The following CD8B2 variants were observed in gnomAD, a reference collection of about 807,000 sequenced individuals.
CD8B2 encodes T-cell surface glycoprotein CD8 beta-2 chain.
Under a neutral mutation model 23.7 loss-of-function variants are expected in CD8B2, and 11 were observed. The observed-to-expected ratio is 0.46, with a 90% CI of 0.29 to 0.77. The LOEUF (loss-of-function observed/expected upper bound fraction) is 0.77, where lower values mean the gene tolerates loss of function less well. Among genes scored for constraint, CD8B2 ranks in the 30% least tolerant of loss-of-function variants. The probability of loss-of-function intolerance (pLI) is 0.09; values close to 1 mark genes in which losing one functional copy is unlikely to be tolerated. For synonymous variants in CD8B2, 90 were observed against 109.3 expected (o/e 0.82, Z 1.10); for missense variants, 197 against 270.5 (o/e 0.73, Z 1.91).
At chr2:106,542,968 G>T (rs1680200611) in intron 5 of CD8B2, 1 of 152,046 alleles carries the variant, frequency 6.6e-6, no homozygotes, top group Admixed American at 6.6e-5. Context: ...AAAGAGGAGC[G>T]CTCGGCCATG....
intron 5 of CD8B2, 44 bp downstream of exon 5, chr2:106,504,369 G>C (rs943504592): frequency 6.4e-7 from 1 of 1,554,292 alleles, no homozygotes; most frequent in East Asian, 2.4e-5. Context: ...CTCAGCCCCT[G>C]CTGCAGCTTG....
At chr2:106,500,544 A>ATAAATAAATAAATTAAT (rs1298623861) in intron 3 of CD8B2, among the ~76,000 whole-genome samples, 1 of 145,456 alleles carries the variant, frequency 6.9e-6, no homozygotes, top group African/African-American at 2.5e-5. Context: ...AAATAAATAA[A>ATAAATAAATAAATTAAT]TAAATAAATA....
At chr2:106,524,628 G>A (rs4595968) in intron 5 of CD8B2, among the ~76,000 whole-genome samples, 149,459 of 152,300 alleles carry the variant, frequency 0.98, 73,404 homozygotes, top group East Asian at 1. Context: ...GAGAGCCCAA[G>A]TGCACATTAT....
intron 5 of CD8B2, among the ~76,000 whole-genome samples, chr2:106,528,251 TA>T (rs1228124780): frequency 6.6e-6 from 1 of 152,226 alleles, no homozygotes; most frequent in African/African-American, 2.4e-5. Context: ...TATTGAGTTG[TA>T]AGAGTAGTTT....
At chr2:106,489,465 G>T (rs1353016932) in intron 1 of CD8B2, among the ~76,000 whole-genome samples, 1 of 152,044 alleles carries the variant, frequency 6.6e-6, no homozygotes, top group Non-Finnish European at 1.5e-5. Context: ...TCAGTAAGCT[G>T]GCTCCTCTTG....
At chr2:106,512,687 C>T (rs1026732648), downstream of CD8B2, among the ~76,000 whole-genome samples, 2 of 152,144 alleles carry the variant, frequency 1.3e-5, no homozygotes, top group African/African-American at 4.8e-5. Context: ...TCAAGCGATC[C>T]TCCCACCTTA....
chr2:106,495,407 T>C (rs1679280006), intron 2 of CD8B2, among the ~76,000 whole-genome samples: 1 of 152,044 alleles, frequency 6.6e-6, no homozygotes, highest in Non-Finnish European at 1.5e-5. Flanking sequence ...AATGCAGTGG[T>C]ACGCGCCTGT....
rs949660610 is a variant in CD8B2 at position 106,490,894 on chromosome 2, C to T, written c.64C>T (p.Leu22Phe). The T allele has an allele frequency of 3.2e-6, 5 of 1,583,384 alleles. No homozygotes were observed. Among genetic ancestry groups the T allele is most frequent in the African/African-American group, 2.7e-5 (2 of 74,344 alleles). ...QLTVLHGNSV[L>F]QQTPAYIKVQ... The stretch of plus-strand genomic sequence containing the variant: ...CCTAGTTCTCCATGGCAACTCAGTC[C>T]TCCAGCAGACCCCTGCATACATAAA... The change falls in exon 2 of 6, where the codon CTC becomes TTC. Residue 22 changes from leucine (L) to phenylalanine (F), a missense_variant. Around this residue, in one of 3 missense-constraint regions of CD8B2, gnomAD observed 140 missense variants for 164.2 expected, o/e 0.85. Transcript: ENST00000643224.
intron 5 of CD8B2, among the ~76,000 whole-genome samples, chr2:106,539,109 C>A (rs532812262): frequency 6.6e-6 from 1 of 152,350 alleles, no homozygotes; most frequent in Non-Finnish European, 1.5e-5. Flanking sequence ...ATTTCAGGGC[C>A]AGGGCAGTGC....
intron 4 of CD8B2, among the ~76,000 whole-genome samples, chr2:106,503,183 C>G (rs1244927365): frequency 6.6e-6 from 1 of 151,902 alleles, no homozygotes; most frequent in African/African-American, 2.4e-5. Flanking sequence ...GCATGGCTGC[C>G]CTAGAGCCCA....
chr2:106,514,135 T>A (rs1483442038), downstream of CD8B2, among the ~76,000 whole-genome samples: 3 of 138,004 alleles, frequency 2.2e-5, no homozygotes, highest in Non-Finnish European at 4.9e-5. Context: ...CCATCGAAAG[T>A]CTGCCAGCCC....
chr2:106,539,137 T>C (rs1219024757), intron 5 of CD8B2, among the ~76,000 whole-genome samples: 1 of 152,222 alleles, frequency 6.6e-6, no homozygotes, highest in Non-Finnish European at 1.5e-5. Flanking sequence ...ATGGAGTTGC[T>C]GTGTTGATGA....
At chr2:106,541,080 G>A (rs1680164984) in intron 5 of CD8B2, among the ~76,000 whole-genome samples, 1 of 152,158 alleles carries the variant, frequency 6.6e-6, no homozygotes, top group African/African-American at 2.4e-5. Context: ...GCCCTGTGGT[G>A]GGCAGGCTTG....
At chr2:106,515,353 G>A (rs1679713096), downstream of CD8B2, among the ~76,000 whole-genome samples, 1 of 152,186 alleles carries the variant, frequency 6.6e-6, no homozygotes, top group South Asian at 2.1e-4. Context: ...TGCCCTGTTT[G>A]TGCTCCCCAC....
intron 5 of CD8B2, among the ~76,000 whole-genome samples, chr2:106,536,990 C>A (rs1370538639): frequency 1.3e-5 from 2 of 152,198 alleles, no homozygotes; most frequent in African/African-American, 2.4e-5. Context: ...CTCAGAAGAA[C>A]AAGTTGCTGT....
At chr2:106,514,716 C>T (rs1295383195), downstream of CD8B2, among the ~76,000 whole-genome samples, 33 of 149,196 alleles carry the variant, frequency 2.2e-4, no homozygotes, top group Admixed American at 1.1e-3. Flanking sequence ...CCCTCTCCCC[C>T]ACACTGCTTT....
chr2:106,508,941 CA>C lies in CD8B2; in HGVS notation c.*2002del, dbSNP rs1679568331. 1 of 66,034 alleles carries C rather than the reference CA, an allele frequency of 1.5e-5. No individual in the cohort carries two copies. Among genetic ancestry groups the C allele is most frequent in the Admixed American group, 1.7e-4 (1 of 5,828 alleles). 4.1% of individuals were successfully genotyped at this position (66,034 alleles called of 1,614,324 possible). ...TAATTGGCCTTAGATGCCCTGCCCC[CA>C]GACCCAGGTGTTTTCCGTTTGCTCC... is the stretch of plus-strand genomic sequence containing the variant. On this transcript the variant is annotated 3_prime_UTR_variant, in exon 6 of 6. Transcript: ENST00000643224.
At chr2:106,522,954 C>A (rs1274299771) in intron 5 of CD8B2, among the ~76,000 whole-genome samples, 1 of 152,110 alleles carries the variant, frequency 6.6e-6, no homozygotes, top group African/African-American at 2.4e-5. Context: ...TAGAGACCCC[C>A]ACTTGACTTA....
chr2:106,512,178 C>T (rs1273838212), downstream of CD8B2, among the ~76,000 whole-genome samples: 2 of 152,180 alleles, frequency 1.3e-5, no homozygotes, highest in African/African-American at 2.4e-5. Context: ...CCGGCTCAAG[C>T]GATCCTTGCA....
Sources: allele counts gnomAD v4.1 joint callset (sites outside exome capture counted in the v4.1 genomes callset), GRCh38; gene constraint gnomAD v4.1.1; regional missense constraint gnomAD v4.1.1; transcripts MANE v1.5; gene names NCBI Gene and HGNC (gene_info 2026-07-23, HGNC 2026-07-21).